ADGRB3: variants seen among roughly 807,000 people sequenced by gnomAD.
ADGRB3 encodes adhesion G protein-coupled receptor B3.
ADGRB3 carries 37 observed loss-of-function variants against 193.4 expected under a neutral mutation model. That is an observed-to-expected ratio of 0.19 (90% CI 0.15 to 0.25). The LOEUF (loss-of-function observed/expected upper bound fraction) is 0.25. Ranked by LOEUF, ADGRB3 falls within the 10% of genes least tolerant of loss-of-function variation. ADGRB3 has a pLI of 1.00. For missense variants in ADGRB3, 1,637 were observed against 1,852.9 expected, an observed-to-expected ratio of 0.88 and a Z score of 2.14; for synonymous variants, 690 against 644.2, an observed-to-expected ratio of 1.07 and a Z score of -1.08.
At chr6:68,844,480 A>C (rs549933983) in intron 3 of ADGRB3, among the ~76,000 whole-genome samples, 58 of 152,332 alleles carry the variant, frequency 3.8e-4, no homozygotes, top group African/African-American at 1.4e-3. Context: ...TTTATCTAAA[A>C]GACAGGTAAT....
intron 3 of ADGRB3, among the ~76,000 whole-genome samples, chr6:68,710,521 C>T (rs1481669206): frequency 1.3e-5 from 2 of 152,112 alleles, no homozygotes; most frequent in East Asian, 1.9e-4. Flanking sequence ...TTAAAGAAGT[C>T]GGCTTCTGTT....
At chr6:69,339,271 G>C (rs746846751) in intron 25 of ADGRB3, 62 bp from the exon 26 acceptor site, 4 of 1,554,452 alleles carry the variant, frequency 2.6e-6, no homozygotes, top group Non-Finnish European at 3.5e-6. Flanking sequence ...TTGAATGGGG[G>C]TTTGGCTATG....
rs938535593 is a variant in ADGRB3, at chr6:68,802,420, A to C, written c.758-128139A>C. ...TAGGCTAATTTATCTTTGTGTTTCC[A>C]GTGTAAAGTTTATTCACTGGTGTGA... On this transcript the variant is annotated intron_variant, in intron 3 of 31. Coordinates refer to ENST00000370598, the MANE Select transcript of ADGRB3 (RefSeq NM_001704.3). Among the ~76,000 whole-genome samples the C allele has an allele frequency of 6.6e-5, 10 of 152,210 alleles. No homozygotes were observed. The East Asian group carries it at 1.3e-3, about 21-fold the overall frequency.
chr6:69,287,975 T>G (rs1767586909), intron 20 of ADGRB3, among the ~76,000 whole-genome samples: 1 of 152,152 alleles, frequency 6.6e-6, no homozygotes, highest in South Asian at 2.1e-4. Context: ...ATATTTGAAT[T>G]CTCATTTTGT....
At chr6:69,111,862 G>A (rs1286088743) in intron 17 of ADGRB3, among the ~76,000 whole-genome samples, 1 of 152,170 alleles carries the variant, frequency 6.6e-6, no homozygotes, top group Non-Finnish European at 1.5e-5. Context: ...AAATCTGAAA[G>A]AATTACTTTC....
intron 13 of ADGRB3, among the ~76,000 whole-genome samples, chr6:69,042,067 GA>G (rs1266708092): frequency 1.6e-4 from 25 of 152,258 alleles, no homozygotes; most frequent in Middle Eastern, 3.4e-3. Context: ...TGGTTCTCAT[GA>G]GATCTGATGA....
At chr6:69,386,792 T>A (rs1158145552) in intron 31 of ADGRB3, among the ~76,000 whole-genome samples, 1 of 152,094 alleles carries the variant, frequency 6.6e-6, no homozygotes, top group Non-Finnish European at 1.5e-5. Context: ...CTGGCCCTAA[T>A]GTTACTTTTC....
intron 3 of ADGRB3, among the ~76,000 whole-genome samples, chr6:68,651,233 GC>G (rs1483161328): frequency 6.6e-6 from 1 of 152,132 alleles, no homozygotes; most frequent in Non-Finnish European, 1.5e-5. Context: ...TTTAAGTGCT[GC>G]TTGAGAAATT....
chr6:69,040,307 C>CTCATTCTT (rs1554251203), intron 13 of ADGRB3, among the ~76,000 whole-genome samples: 1 of 94,758 alleles, frequency 1.1e-5, no homozygotes, highest in Admixed American at 1.3e-4. Flanking sequence ...CTTTCTCTGT[C>CTCATTCTT]TCTTTCTTTC....
chr6:68,670,623 G>GT (rs889287183), intron 3 of ADGRB3, among the ~76,000 whole-genome samples: 3 of 151,782 alleles, frequency 2.0e-5, no homozygotes, highest in African/African-American at 7.3e-5. Context: ...CTATGTTTCT[G>GT]TTTTTTATGC....
intron 17 of ADGRB3, among the ~76,000 whole-genome samples, chr6:69,206,052 T>TTTATATATATATAC (rs1343244930): frequency 1.1e-5 from 1 of 90,052 alleles, no homozygotes; most frequent in African/African-American, 3.8e-5. Context: ...ATGGTATATA[T>TTTATATATATATAC]ATATATATAT....
At chr6:69,140,100 T>A (rs1222175112) in intron 17 of ADGRB3, among the ~76,000 whole-genome samples, 3 of 152,212 alleles carry the variant, frequency 2.0e-5, no homozygotes, top group African/African-American at 7.2e-5. Context: ...CATTTCAGCA[T>A]CTTAGATGCA....
intron 3 of ADGRB3, among the ~76,000 whole-genome samples, chr6:68,920,959 T>G (rs1178278742): frequency 6.6e-6 from 1 of 152,116 alleles, no homozygotes; most frequent in African/African-American, 2.4e-5. Context: ...ATTAAAGAGA[T>G]TGACAGATTT....
intron 3 of ADGRB3, 152 bp downstream of exon 3, chr6:68,639,584 T>G (rs908349327): frequency 7.7e-6 from 9 of 1,167,126 alleles, no homozygotes; most frequent in Non-Finnish European, 9.3e-6. Context: ...AAAGGTCTCT[T>G]GAGCTAGTTT....
chr6:69,332,196 C>G (rs1321037945), intron 23 of ADGRB3: 1 of 985,208 alleles, frequency 1.0e-6, no homozygotes, highest in Non-Finnish European at 1.2e-6. Flanking sequence ...GCAGTTTTTA[C>G]AGTTTTACTT....
chr6:69,060,262 C>G (rs898437786), intron 15 of ADGRB3, among the ~76,000 whole-genome samples: 9 of 147,332 alleles, frequency 6.1e-5, no homozygotes, highest in Admixed American at 6.1e-4. Flanking sequence ...TCCTCTGTCT[C>G]TCCTTCTCTC....
In ADGRB3 at chr6:68,903,216, C is replaced by T. The variant is rs114451720; in HGVS notation, c.758-27343C>T. On this transcript the variant is annotated intron_variant, in intron 3 of 31. Transcript: ENST00000370598. ...CAACTCTGTAAATAACAGTCAATGA[C>T]GGGACAAAATTAAACATTTCAGGAT... is the stretch of plus-strand genomic sequence containing the variant. Among the ~76,000 whole-genome samples, 962 of 152,064 alleles carry T rather than the reference C, an allele frequency of 6.3e-3. 8 individuals are homozygous for T. Among genetic ancestry groups the T allele is most frequent in the African/African-American group, 0.019 (774 of 41,486 alleles).
At chr6:69,039,747 T>TC (rs1242447643) in intron 13 of ADGRB3, among the ~76,000 whole-genome samples, 1 of 149,190 alleles carries the variant, frequency 6.7e-6, no homozygotes, top group Non-Finnish European at 1.5e-5. Context: ...TTTTTCTTTT[T>TC]TTTTTTTTTT....
intron 20 of ADGRB3, among the ~76,000 whole-genome samples, chr6:69,309,357 A>C (rs1178217361): frequency 1.3e-5 from 2 of 151,728 alleles, no homozygotes; most frequent in Non-Finnish European, 3.0e-5. Flanking sequence ...TTGTATTATT[A>C]TGAGATGCAA....
Sources: allele counts gnomAD v4.1 joint callset (sites outside exome capture counted in the v4.1 genomes callset), GRCh38; gene constraint gnomAD v4.1.1; transcripts MANE v1.5; gene names NCBI Gene and HGNC (gene_info 2026-07-23, HGNC 2026-07-21).